Variants in DLG2 observed in about 807,000 individuals in gnomAD.
The protein encoded by DLG2 is discs large MAGUK scaffold protein 2.
Under a neutral mutation model 132.5 loss-of-function variants are expected in DLG2, and 45 were observed. The ratio of observed to expected loss-of-function variants is 0.34; its 90% CI spans 0.27 to 0.44. The LOEUF is 0.44. Among genes scored for constraint, DLG2 ranks in the 20% least tolerant of loss-of-function variants. The probability of loss-of-function intolerance (pLI) is 1.00; values close to 1 mark genes in which losing one functional copy is unlikely to be tolerated. For synonymous variants in DLG2, 424 were observed against 419.6 expected (o/e 1.01, Z -0.13); for missense variants, 1,045 against 1,196.9 (o/e 0.87, Z 1.87).
At chr11:84,504,678 T>A (rs143395775) in intron 7 of DLG2, among the ~76,000 whole-genome samples, 1,553 of 152,284 alleles carry the variant, frequency 0.01, 11 homozygotes, top group South Asian at 0.022. Flanking sequence ...AAAAGCCATT[T>A]TTAACATTGA....
At chr11:84,663,842 T>C (rs1234470331) in intron 6 of DLG2, among the ~76,000 whole-genome samples, 1 of 152,196 alleles carries the variant, frequency 6.6e-6, no homozygotes, top group Non-Finnish European at 1.5e-5. Flanking sequence ...GATCTTTTAC[T>C]TCAGCCAATT....
chr11:84,731,606 G>A (rs1281841885), intron 6 of DLG2, among the ~76,000 whole-genome samples: 1 of 151,898 alleles, frequency 6.6e-6, no homozygotes, highest in African/African-American at 2.4e-5. Context: ...ACAAGAACAT[G>A]GGAAGGACTG....
intron 19 of DLG2, among the ~76,000 whole-genome samples, chr11:83,593,251 C>T (rs1416558090): frequency 2.7e-5 from 4 of 147,952 alleles, no homozygotes; most frequent in Non-Finnish European, 4.5e-5. Flanking sequence ...ACCCAAATGT[C>T]CAACAATGAT....
chr11:83,670,263 G>C (rs190007486), intron 18 of DLG2, among the ~76,000 whole-genome samples: 46 of 152,182 alleles, frequency 3.0e-4, no homozygotes, highest in African/African-American at 1.1e-3. Context: ...AAATAGAGTG[G>C]ATGCTTGTGG....
chr11:83,493,394 T>G (rs867367602), intron 21 of DLG2, among the ~76,000 whole-genome samples: 1 of 106,796 alleles, frequency 9.4e-6, no homozygotes. Flanking sequence ...CTTCCTTCCT[T>G]TCTCTCTCTT....
chr11:84,272,352 C>T (rs1173336289), intron 7 of DLG2: 2 of 406,520 alleles, frequency 4.9e-6, no homozygotes, highest in Admixed American at 2.7e-5. Context: ...TAATGTTTTT[C>T]TTGAGAAGGT....
chr11:84,330,485 G>A (rs1425097296), intron 7 of DLG2, among the ~76,000 whole-genome samples: 2 of 152,092 alleles, frequency 1.3e-5, no homozygotes, highest in East Asian at 3.9e-4. Context: ...GTTTTCCCAT[G>A]GTCACAGCAT....
chr11:85,625,873 C>G (rs1166408940), intron 2 of DLG2, among the ~76,000 whole-genome samples: 1 of 152,192 alleles, frequency 6.6e-6, no homozygotes, highest in African/African-American at 2.4e-5. Context: ...ACCTGGGGTG[C>G]ATCTAAGCTA....
At chr11:83,968,272 T>G (rs2090628785) in intron 12 of DLG2, among the ~76,000 whole-genome samples, 1 of 152,212 alleles carries the variant, frequency 6.6e-6, no homozygotes, top group South Asian at 2.1e-4. Context: ...TCCTTGGTGA[T>G]GTAGCCCAGG....
chr11:84,891,630 T>C (rs1464517704), intron 6 of DLG2, among the ~76,000 whole-genome samples: 4 of 152,212 alleles, frequency 2.6e-5, no homozygotes, highest in African/African-American at 9.6e-5. Context: ...TTGGCATATT[T>C]ACAGCCATAT....
In DLG2 at chr11:83,838,370, C is replaced by A. The variant is rs538315447; in HGVS notation, c.1566-4600G>T. 5.9e-5 allele frequency among the ~76,000 whole-genome samples: 9 copies of A among 152,110 alleles called. No homozygotes were observed. The East Asian group carries it at 9.7e-4, about 16-fold the overall frequency. ...ATGAAATTATGAGTAAAATAAATAA[C>A]CTGATGAAGAAATCATTAGGGCAAA... On this transcript the variant is annotated intron_variant, in intron 16 of 27. Transcript: ENST00000376104.
rs1032474721 is a variant in DLG2 at position 84,012,594 on chromosome 11, T to C, written c.920-31952A>G. ...CTATGAGATTGTGGCTTGTTTCTGC[T>C]TTACTGTCAAAATATTCAGAGTTTC... On this transcript the variant is annotated intron_variant, in intron 11 of 27. Transcript: ENST00000376104. Among the ~76,000 whole-genome samples, 5 of 152,146 alleles carry C rather than the reference T, an allele frequency of 3.3e-5. No homozygotes were observed. The South Asian group carries it at 6.2e-4, about 19-fold the overall frequency.
chr11:84,299,079 C>A (rs1473471348), intron 7 of DLG2, among the ~76,000 whole-genome samples: 1 of 152,178 alleles, frequency 6.6e-6, no homozygotes, highest in Non-Finnish European at 1.5e-5. Context: ...TTTTACCAGT[C>A]TCTTGGAGAT....
intron 7 of DLG2, among the ~76,000 whole-genome samples, chr11:84,345,346 A>AGTAAATACTAAGC (rs1480041834): frequency 6.6e-6 from 1 of 152,356 alleles, no homozygotes; most frequent in East Asian, 1.9e-4. Flanking sequence ...CCTGTACACG[A>AGTAAATACTAAGC]GTAAATACTA....
At chr11:85,111,598 A>G in intron 6 of DLG2, 63 bp downstream of exon 6, 2 of 1,375,152 alleles carry the variant, frequency 1.5e-6, no homozygotes, top group Non-Finnish European at 2.0e-6. Context: ...TTCCACTAAG[A>G]TTATTCCAAA....
intron 2 of DLG2, among the ~76,000 whole-genome samples, chr11:85,607,219 C>T (rs2080630684): frequency 1.3e-5 from 2 of 152,314 alleles, no homozygotes; most frequent in African/African-American, 2.4e-5. Flanking sequence ...ACTAAAGACA[C>T]GGGTGTCAGG....
intron 6 of DLG2, among the ~76,000 whole-genome samples, chr11:84,793,026 C>CT (rs537225318): frequency 1.3e-5 from 2 of 151,800 alleles, no homozygotes; most frequent in South Asian, 4.1e-4. Context: ...AAGTTTTTCT[C>CT]TTTTTTTGAG....
chr11:84,564,212 T>C (rs1156269852), intron 6 of DLG2, among the ~76,000 whole-genome samples: 4 of 151,798 alleles, frequency 2.6e-5, no homozygotes, highest in African/African-American at 9.7e-5. Context: ...TTATTGGGGG[T>C]TTTTATAAAA....
At chr11:84,163,768 G>C (rs530711704) in intron 8 of DLG2, among the ~76,000 whole-genome samples, 2 of 151,938 alleles carry the variant, frequency 1.3e-5, no homozygotes, top group African/African-American at 4.8e-5. Context: ...TTGTAGTGAG[G>C]TATAATAACA....
Sources: allele counts gnomAD v4.1 joint callset (sites outside exome capture counted in the v4.1 genomes callset), GRCh38; gene constraint gnomAD v4.1.1; transcripts MANE v1.5; gene names NCBI Gene and HGNC (gene_info 2026-07-23, HGNC 2026-07-21).